SWT1: variants seen among roughly 807,000 people sequenced by gnomAD.
SWT1 encodes SWT1 RNA endoribonuclease homolog, also known as transcriptional protein SWT1.
Under a neutral mutation model 107.3 loss-of-function variants are expected in SWT1, and 33 were observed. The observed-to-expected ratio is 0.31, with a 90% CI of 0.23 to 0.41. The LOEUF (loss-of-function observed/expected upper bound fraction) is 0.41, where lower values mean the gene tolerates loss of function less well. SWT1 is among the 10% of genes least tolerant of loss of function. The probability of loss-of-function intolerance (pLI) is 1.00; values close to 1 mark genes in which losing one functional copy is unlikely to be tolerated. For synonymous variants in SWT1, 345 were observed against 348.3 expected, an observed-to-expected ratio of 0.99 and a Z score of 0.11; for missense variants, 898 against 1,028.9, an observed-to-expected ratio of 0.87 and a Z score of 1.74.
At chr1:185,205,062 C>CT (rs1268796809) in intron 12 of SWT1, among the ~76,000 whole-genome samples, 199 bp downstream of exon 12, 3 of 151,414 alleles carry the variant, frequency 2.0e-5, no homozygotes, top group South Asian at 4.2e-4. Flanking sequence ...ATATGTTATT[C>CT]TTTTTTTTGA....
intron 18 of SWT1, among the ~76,000 whole-genome samples, chr1:185,283,102 G>T (rs944185173): frequency 1.1e-4 from 17 of 152,176 alleles, no homozygotes; most frequent in African/African-American, 4.1e-4. Context: ...TGTCCCCATG[G>T]AGTTGGGTAT....
chr1:185,270,395 A>G (rs1663767883), intron 16 of SWT1, among the ~76,000 whole-genome samples: 1 of 151,696 alleles, frequency 6.6e-6, no homozygotes, highest in Non-Finnish European at 1.5e-5. Context: ...AAGTAAAAAT[A>G]TGTTCTTCCC....
intron 18 of SWT1, among the ~76,000 whole-genome samples, chr1:185,290,342 C>T (rs1054909989): frequency 1.3e-5 from 2 of 151,764 alleles, no homozygotes; most frequent in Non-Finnish European, 2.9e-5. Context: ...TTTGGGAGGC[C>T]ATGGTAGGAG....
intron 2 of SWT1, 27 bp downstream of exon 2, chr1:185,160,952 A>G: frequency 1.3e-6 from 2 of 1,499,568 alleles, no homozygotes; most frequent in Non-Finnish European, 1.8e-6. Flanking sequence ...ACTGACCTAG[A>G]GATACATTTC....
chr1:185,278,841 ATATATAACT>A (rs1184026539), intron 18 of SWT1, among the ~76,000 whole-genome samples: 2 of 152,240 alleles, frequency 1.3e-5, no homozygotes, highest in African/African-American at 4.8e-5. Context: ...TTCATTTGCT[ATATATAACT>A]TACCTGTGTA....
At chr1:185,228,971 G>C (rs1275061444) in intron 15 of SWT1, among the ~76,000 whole-genome samples, 1 of 152,182 alleles carries the variant, frequency 6.6e-6, no homozygotes, top group Admixed American at 6.5e-5. Context: ...AGGAGATGAA[G>C]TAGGGAGGTA....
In SWT1 at chr1:185,214,503, C is replaced by A. The variant is rs927787753; in HGVS notation, c.1973-4C>A. 3 of 1,597,452 alleles carry A rather than the reference C, an allele frequency of 1.9e-6. No individual in the cohort carries two copies. The highest frequency in any genetic ancestry group is 2.7e-5 in the African/African-American group (2 of 74,094). On this transcript the variant is annotated splice_region_variant and splice_polypyrimidine_tract_variant and intron_variant, in intron 13 of 18. Transcript: ENST00000367500. ...ATTTTTCTGTCTTAATTTTCTGTTA[C>A]CAGCTAATAAGGCAGTGGATTTTAC...
At chr1:185,237,799 C>G (rs1022879814) in intron 16 of SWT1, among the ~76,000 whole-genome samples, 2 of 152,156 alleles carry the variant, frequency 1.3e-5, no homozygotes, top group South Asian at 2.1e-4. Flanking sequence ...TACAGACTCC[C>G]CAACTGATGT....
At chr1:185,276,298 A>G (rs960102335) in intron 17 of SWT1, among the ~76,000 whole-genome samples, 1 of 152,178 alleles carries the variant, frequency 6.6e-6, no homozygotes, top group Non-Finnish European at 1.5e-5. Context: ...CCTAAACCAG[A>G]TAGAACTGTC....
At chr1:185,257,412 G>A (rs1662648401) in intron 16 of SWT1, among the ~76,000 whole-genome samples, 1 of 152,098 alleles carries the variant, frequency 6.6e-6, no homozygotes, top group Non-Finnish European at 1.5e-5. Flanking sequence ...ATCTCAGACT[G>A]CTGTGCTAGC....
At chr1:185,215,804 T>C (rs1659173715) in intron 14 of SWT1, among the ~76,000 whole-genome samples, 1 of 152,058 alleles carries the variant, frequency 6.6e-6, no homozygotes, top group Non-Finnish European at 1.5e-5. Context: ...CCTCCCAAAG[T>C]GTTGGGAATA....
intron 10 of SWT1, among the ~76,000 whole-genome samples, chr1:185,197,649 A>C (rs916556568): frequency 2.0e-4 from 30 of 152,272 alleles, no homozygotes; most frequent in Non-Finnish European, 1.0e-4. Flanking sequence ...TTGTTGGTCT[A>C]TTCAGGGATT....
intron 16 of SWT1, among the ~76,000 whole-genome samples, chr1:185,239,980 G>T (rs1390726052): frequency 6.6e-6 from 1 of 152,006 alleles, no homozygotes; most frequent in Non-Finnish European, 1.5e-5. Flanking sequence ...TGTCATCTTT[G>T]CAGAGTTAAC....
intron 16 of SWT1, among the ~76,000 whole-genome samples, chr1:185,264,679 T>C (rs1663252050): frequency 6.6e-6 from 1 of 152,134 alleles, no homozygotes; most frequent in Non-Finnish European, 1.5e-5. Flanking sequence ...GCGGTAAACC[T>C]CTTATTTGAA....
At chr1:185,250,212 C>G (rs1661905837) in intron 16 of SWT1, among the ~76,000 whole-genome samples, 1 of 152,150 alleles carries the variant, frequency 6.6e-6, no homozygotes, top group Non-Finnish European at 1.5e-5. Context: ...ACTGCAGCCT[C>G]GAACTCTTAG....
chr1:185,212,136 A>C (rs533312257), intron 13 of SWT1, among the ~76,000 whole-genome samples: 1 of 152,260 alleles, frequency 6.6e-6, no homozygotes, highest in Non-Finnish European at 1.5e-5. Context: ...CAGCACACCA[A>C]CATGGCACAT....
At chr1:185,218,603 G>A (rs1485962573) in intron 14 of SWT1, among the ~76,000 whole-genome samples, 1 of 152,142 alleles carries the variant, frequency 6.6e-6, no homozygotes, top group African/African-American at 2.4e-5. Context: ...GAACCGTCAT[G>A]CCCTGCCTTT....
At chr1:185,260,230 C>T (rs1177609855) in intron 16 of SWT1, among the ~76,000 whole-genome samples, 1 of 152,080 alleles carries the variant, frequency 6.6e-6, no homozygotes, top group Non-Finnish European at 1.5e-5. Context: ...GTCTAGAAAA[C>T]ACTGGAAAGG....
chr1:185,188,584 A>G lies in SWT1; in HGVS notation c.1430-1965A>G, dbSNP rs575752644. On this transcript the variant is annotated intron_variant, in intron 9 of 18. Transcript: ENST00000367500. ...AGATTTCACTAATATGAACTCCTAAAGAGTTTGTCTTTGCATATCCATCTG... is the reference window on the plus strand; with the variant it reads ...AGATTTCACTAATATGAACTCCTAAGGAGTTTGTCTTTGCATATCCATCTG... 2.4e-4 allele frequency among the ~76,000 whole-genome samples: 37 copies of G among 152,344 alleles called. No individual in the cohort carries two copies. The East Asian group carries it at 6.9e-3, about 29-fold the overall frequency.
Sources: allele counts gnomAD v4.1 joint callset (sites outside exome capture counted in the v4.1 genomes callset), GRCh38; gene constraint gnomAD v4.1.1; transcripts MANE v1.5; gene names NCBI Gene and HGNC (gene_info 2026-07-23, HGNC 2026-07-21).